The following PADI4 variants were observed in gnomAD, a reference collection of about 807,000 sequenced individuals.
The protein encoded by PADI4 is peptidyl arginine deiminase 4.
In PADI4, 62 loss-of-function variants were observed where a neutral mutation model predicts 75.0. The ratio of observed to expected loss-of-function variants is 0.83; its 90% CI spans 0.67 to 1.02. PADI4 has a LOEUF of 1.02. Ranked by LOEUF, PADI4 falls within the 50% of genes least tolerant of loss-of-function variation. PADI4 has a pLI of 0.00. For synonymous variants in PADI4, 361 were observed against 348.1 expected, an observed-to-expected ratio of 1.04 and a Z score of -0.41; for missense variants, 845 against 850.5, an observed-to-expected ratio of 0.99 and a Z score of 0.08.
chr1:17,349,786 GTC>G (rs34677561), intron 10 of PADI4, among the ~76,000 whole-genome samples: 11,208 of 124,712 alleles, frequency 0.09, 2,146 homozygotes, highest in African/African-American at 0.27. Context: ...TGGAGAAAAA[GTC>G]ACACTCAGCA....
chr1:17,334,482 T>G (rs1456037261), intron 3 of PADI4: 1 of 443,826 alleles, frequency 2.3e-6, no homozygotes, highest in African/African-American at 2.0e-5. Flanking sequence ...TTTGTATTTT[T>G]AGTAGAGATG....
At chr1:17,336,952 C>T (rs911523416) in intron 4 of PADI4, among the ~76,000 whole-genome samples, 1 of 152,208 alleles carries the variant, frequency 6.6e-6, no homozygotes. Flanking sequence ...CTATTAGATC[C>T]CTACAGGGTG....
chr1:17,332,963 G>A (rs769773732), intron 2 of PADI4, among the ~76,000 whole-genome samples: 12 of 152,168 alleles, frequency 7.9e-5, no homozygotes, highest in Non-Finnish European at 1.6e-4. Flanking sequence ...ACACGTGTTG[G>A]GGAAACTGAG....
intron 1 of PADI4, among the ~76,000 whole-genome samples, chr1:17,312,460 C>CA (rs56407736): frequency 0.37 from 40,355 of 110,108 alleles, 8,729 homozygotes; most frequent in African/African-American, 0.5. Context: ...AACTCCGCCT[C>CA]AAAAAAAAAA....
At chr1:17,313,551 A>G (rs1029726617) in intron 1 of PADI4, among the ~76,000 whole-genome samples, 1 of 151,304 alleles carries the variant, frequency 6.6e-6, no homozygotes, top group Non-Finnish European at 1.5e-5. Flanking sequence ...AAAGAAGGAA[A>G]GAAAGAAAGA....
At chr1:17,359,229 A>AC in intron 14 of PADI4, 51 bp from the exon 15 acceptor site, 2 of 300,928 alleles carry the variant, frequency 6.6e-6, no homozygotes, top group South Asian at 3.6e-5. Context: ...CCCCACCCCC[A>AC]CCCCCGACTG....
chr1:17,321,768 T>G (rs1047740011), intron 1 of PADI4, among the ~76,000 whole-genome samples: 3 of 152,218 alleles, frequency 2.0e-5, no homozygotes, highest in Non-Finnish European at 2.9e-5. Context: ...AAGATGAGTG[T>G]CAATCATTTT....
chr1:17,356,364 G>A lies in PADI4; in HGVS notation c.1463G>A (p.Arg488Gln), dbSNP rs755419300. The A allele has an allele frequency of 6.2e-6, 10 of 1,602,434 alleles. No individual in the cohort carries two copies. In the East Asian group the frequency reaches 8.9e-5, roughly 14 times the overall value. ...CAGTGTTTCTGCCTCCAGGGCTTCC[G>A]GCTGCTCCTGGCCAGCCCCAGGTCC... ...FVPAPDRKGFRLLLASPRSCY... is the reference protein window; with the variant it reads ...FVPAPDRKGFQLLLASPRSCY... The change falls in exon 13 of 16, where the codon CGG becomes CAG. Residue 488 changes from arginine (R) to glutamine (Q), a missense_variant. By Grantham distance (43) the Arg-to-Gln change is conservative. Coordinates refer to ENST00000375448, the MANE Select transcript of PADI4 (RefSeq NM_012387.3). This position sits in a 1 kb window ranked among gnomAD's most constrained non-coding sequence, Gnocchi z 4.1.
intron 10 of PADI4, among the ~76,000 whole-genome samples, chr1:17,349,576 G>C (rs1349419001): frequency 6.6e-6 from 1 of 152,048 alleles, no homozygotes; most frequent in African/African-American, 2.4e-5. Context: ...ATGGTGGTGT[G>C]TGCCTGTAAT....
intron 9 of PADI4, among the ~76,000 whole-genome samples, chr1:17,347,025 C>T (rs2074529242): frequency 6.6e-6 from 1 of 152,012 alleles, no homozygotes; most frequent in Non-Finnish European, 1.5e-5. Context: ...ACAACCTCTG[C>T]CTCCCGGGTT....
At chr1:17,339,935 C>T (rs2074385191) in intron 6 of PADI4, 122 bp downstream of exon 6, 5 of 1,094,036 alleles carry the variant, frequency 4.6e-6, no homozygotes, top group African/African-American at 1.6e-5. Flanking sequence ...GAACAGCAGA[C>T]GCAGCAGTGG....
chr1:17,343,417 G>T (rs1570057727), intron 8 of PADI4, among the ~76,000 whole-genome samples: 1 of 152,056 alleles, frequency 6.6e-6, no homozygotes, highest in East Asian at 1.9e-4. Flanking sequence ...AGCTTCAGGG[G>T]CAGAAGAGTA....
chr1:17,338,162 A>G lies in PADI4; in HGVS notation c.526+7A>G, dbSNP rs764393814. The G allele has an allele frequency of 4.5e-6, 7 of 1,561,352 alleles. No individual in the cohort carries two copies. In the South Asian group the frequency reaches 7.8e-5, roughly 17 times the overall value. On this transcript the variant is annotated splice_region_variant and intron_variant, in intron 5 of 15. Coordinates refer to ENST00000375448, the MANE Select transcript of PADI4 (RefSeq NM_012387.3). The stretch of plus-strand genomic sequence containing the variant: ...GAAGTGCTTGACAGCGAAGGTAAAG[A>G]GCATTTGCTAGCTAACGGGAAGGGC...
chr1:17,341,187 C>T (rs1478801448), intron 6 of PADI4, among the ~76,000 whole-genome samples: 1 of 151,764 alleles, frequency 6.6e-6, no homozygotes, highest in African/African-American at 2.4e-5. Flanking sequence ...CAACCTCCAC[C>T]TCCTGGGTTC....
chr1:17,320,796 A>T (rs912332440), intron 1 of PADI4, among the ~76,000 whole-genome samples: 10 of 152,116 alleles, frequency 6.6e-5, no homozygotes, highest in Non-Finnish European at 1.5e-4. Flanking sequence ...CTCCTATCTC[A>T]TCCTGTGACT....
intron 10 of PADI4, among the ~76,000 whole-genome samples, chr1:17,351,510 T>C (rs759551668): frequency 1.4e-5 from 2 of 148,146 alleles, no homozygotes; most frequent in Non-Finnish European, 3.0e-5. Context: ...CTTAGGAGGC[T>C]GAGGTGGCAG....
intron 5 of PADI4, 26 bp downstream of exon 5, chr1:17,338,181 G>A: frequency 2.0e-6 from 3 of 1,468,268 alleles, no homozygotes; most frequent in Non-Finnish European, 2.9e-6. Flanking sequence ...TAGCTAACGG[G>A]AAGGGCTTTT....
intron 10 of PADI4, among the ~76,000 whole-genome samples, chr1:17,351,899 T>C (rs2074633508): frequency 6.8e-6 from 1 of 147,018 alleles, no homozygotes; most frequent in South Asian, 2.1e-4. Flanking sequence ...GAAAAGGCAG[T>C]CAGGGAGCTG....
chr1:17,344,296 G>T (rs1362148865), intron 8 of PADI4, among the ~76,000 whole-genome samples: 2 of 152,140 alleles, frequency 1.3e-5, no homozygotes, highest in Non-Finnish European at 1.5e-5. Context: ...AGGTGACTTG[G>T]GTGCTGTTAA....
Sources: allele counts gnomAD v4.1 joint callset (sites outside exome capture counted in the v4.1 genomes callset), GRCh38; gene constraint gnomAD v4.1.1; non-coding constraint Gnocchi (gnomAD v3.1); transcripts MANE v1.5; gene names NCBI Gene and HGNC (gene_info 2026-07-23, HGNC 2026-07-21).